The following CD200R1 variants were observed in gnomAD, a reference collection of about 807,000 sequenced individuals.
The protein encoded by CD200R1 is CD200 receptor 1, also known as cell surface glycoprotein CD200 receptor 1.
In CD200R1, 30 loss-of-function variants were observed where a neutral mutation model predicts 38.1. That is an observed-to-expected ratio of 0.79 (90% CI 0.59 to 1.07). The LOEUF (loss-of-function observed/expected upper bound fraction) is 1.07, where lower values mean the gene tolerates loss of function less well. Ranked by LOEUF, CD200R1 falls within the 50% of genes least tolerant of loss-of-function variation. The probability of loss-of-function intolerance (pLI) is 0.00; values close to 1 mark genes in which losing one functional copy is unlikely to be tolerated. For missense variants in CD200R1, 372 were observed against 415.4 expected, an observed-to-expected ratio of 0.90 and a Z score of 0.91; for synonymous variants, 128 against 152.1, an observed-to-expected ratio of 0.84 and a Z score of 1.16.
intron 1 of CD200R1, among the ~76,000 whole-genome samples, chr3:112,954,830 G>A (rs780164235): frequency 2.6e-5 from 4 of 152,080 alleles, no homozygotes; most frequent in South Asian, 4.2e-4. Context: ...TAAGTATTTC[G>A]CTGAGTTCTG....
intron 2 of CD200R1, among the ~76,000 whole-genome samples, chr3:112,937,314 C>T (rs971450987): frequency 7.9e-5 from 12 of 152,138 alleles, no homozygotes; most frequent in African/African-American, 2.9e-4. Context: ...TCCCATGACA[C>T]ATGGAGATTA....
At chr3:112,971,460 A>G (rs1253853514) in intron 1 of CD200R1, among the ~76,000 whole-genome samples, 1 of 152,102 alleles carries the variant, frequency 6.6e-6, no homozygotes, top group Admixed American at 6.6e-5. Context: ...TGAATTTAAT[A>G]TCTTCCTCCA....
chr3:112,955,372 C>T (rs1294399673), intron 1 of CD200R1, among the ~76,000 whole-genome samples: 1 of 152,090 alleles, frequency 6.6e-6, no homozygotes, highest in Non-Finnish European at 1.5e-5. Context: ...TCTATCTCTG[C>T]CTTCAGATCT....
At position 112,929,526 on chromosome 3, in the gene CD200R1, T is replaced by C. The variant is rs200675154; in HGVS notation, c.203-19A>G. 3 of 1,578,320 alleles carry C rather than the reference T, an allele frequency of 1.9e-6. No homozygotes were observed. Among genetic ancestry groups the C allele is most frequent in the Admixed American group, 3.7e-5 (2 of 53,582 alleles). On this transcript the variant is annotated intron_variant, in intron 3 of 7. Transcript: ENST00000308611. The stretch of plus-strand genomic sequence containing the variant: ...GTGTTAACTGGACATGAAAAGAGAA[T>C]GATAAAAGAAAAGCTTGATAAAGAA...
At chr3:112,937,561 C>T (rs35611650) in intron 2 of CD200R1, among the ~76,000 whole-genome samples, 39,463 of 152,012 alleles carry the variant, frequency 0.26, 6,229 homozygotes, top group Non-Finnish European at 0.36. Context: ...TGTCTGTTCT[C>T]GTACAACTAC....
rs1053223066 is a variant in CD200R1, at chr3:112,921,257, A to G, written c.*2420T>C. 2.0e-5 allele frequency: 3 copies of G among 152,080 alleles called. No homozygotes were observed. The highest frequency in any genetic ancestry group is 4.4e-5 in the Non-Finnish European group (3 of 68,000). 9.4% of individuals were successfully genotyped at this position (152,080 alleles called of 1,614,324 possible). On this transcript the variant is annotated 3_prime_UTR_variant, in exon 8 of 8. Transcript: ENST00000308611. ...ATCTTGATTATGCTGATGGTTTCAC[A>G]GATGTAAAACTATGTCAACATTTAC...
chr3:112,945,862 T>A (rs1344058352), intron 2 of CD200R1, among the ~76,000 whole-genome samples: 3 of 152,046 alleles, frequency 2.0e-5, no homozygotes, highest in African/African-American at 7.2e-5. Context: ...ACCCCGTCTC[T>A]ACTAAAAATA....
In CD200R1 at chr3:112,974,813, A is replaced by T; in HGVS notation, c.45T>A (p.Ile15=). ...TACCGGCCACTAAGAAGATAGTCAAAATCAACAGTAGCCCTAGGTTAGCAG... is the reference window on the plus strand; with the variant it reads ...TACCGGCCACTAAGAAGATAGTCAATATCAACAGTAGCCCTAGGTTAGCAG... ...WRTANLGLLL[I]LTIFLVAEAE... Residue 15 remains isoleucine (I), a synonymous_variant, in exon 1 of 8, where the codon ATT becomes ATA. Transcript: ENST00000308611. The T allele has an allele frequency of 6.2e-7, 1 of 1,613,232 alleles. No homozygotes were observed. The highest frequency in any genetic ancestry group is 1.1e-5 in the South Asian group (1 of 91,062).
At position 112,922,942 on chromosome 3, in the gene CD200R1, T is replaced by G. The variant is rs1010340158; in HGVS notation, c.*735A>C. The G allele has an allele frequency of 6.6e-6, 1 of 151,882 alleles. No homozygotes were observed. 9.4% of individuals were successfully genotyped at this position (151,882 alleles called of 1,614,324 possible). On this transcript the variant is annotated 3_prime_UTR_variant, in exon 8 of 8. Coordinates refer to ENST00000308611, the MANE Select transcript of CD200R1 (RefSeq NM_138806.4). ...CTGACAATTCCACTCAAGAAAGTTA[T>G]CCTACAGATATACTCAAAAACAAAG...
At chr3:112,936,140 T>C (rs1359603603) in intron 2 of CD200R1, among the ~76,000 whole-genome samples, 1 of 152,232 alleles carries the variant, frequency 6.6e-6, no homozygotes, top group African/African-American at 2.4e-5. Context: ...TGAACTCATC[T>C]ATACATGGCT....
Position 112,932,373 on chromosome 3 carries a change from G to A in CD200R1, c.137-1202C>T, listed in dbSNP as rs76979724. On this transcript the variant is annotated intron_variant, in intron 2 of 7. Transcript: ENST00000308611. ...GAGAAACAGTCTGGCAGTCCTACCC[G>A]GGACAAACCTGCCATTGAGCTGGCC... 7.5e-4 allele frequency among the ~76,000 whole-genome samples: 114 copies of A among 152,164 alleles called. 5 individuals are homozygous for A. The East Asian group carries it at 0.02, about 27-fold the overall frequency.
chr3:112,933,753 T>C (rs184905350), intron 2 of CD200R1, among the ~76,000 whole-genome samples: 1 of 151,962 alleles, frequency 6.6e-6, no homozygotes, highest in African/African-American at 2.4e-5. Flanking sequence ...AGGAAAACAA[T>C]TTGTGATTTA....
At chr3:112,926,496 T>A (rs750622598) in intron 5 of CD200R1, among the ~76,000 whole-genome samples, 1 of 152,216 alleles carries the variant, frequency 6.6e-6, no homozygotes, top group Non-Finnish European at 1.5e-5. Context: ...AGATCCACCG[T>A]GCAAGGAAGA....
intron 1 of CD200R1, among the ~76,000 whole-genome samples, chr3:112,948,163 C>T (rs1331465138): frequency 1.3e-5 from 2 of 152,096 alleles, no homozygotes; most frequent in African/African-American, 2.4e-5. Context: ...TGCCCATCAC[C>T]CCCCTCTTGC....
chr3:112,924,221 C>T (rs185023952), intron 7 of CD200R1, among the ~76,000 whole-genome samples: 2 of 152,024 alleles, frequency 1.3e-5, no homozygotes, highest in South Asian at 4.1e-4. Flanking sequence ...AACACCAATT[C>T]ATTTCCTCAA....
chr3:112,929,250 T>C lies in CD200R1; in HGVS notation c.460A>G (p.Arg154Gly), dbSNP rs757927981. ...CCATCAGGTGTTACCATTATGCATC[T>C]GTAATACCCGTCATGAGTGATGGCC... Reference protein sequence around the residue: ...TVAITHDGYYRCIMVTPDGNF... With the variant: ...TVAITHDGYYGCIMVTPDGNF... Residue 154 changes from arginine to glycine, a missense_variant, in exon 4 of 8, where the codon AGA becomes GGA. Arg to Gly is a moderately radical substitution (Grantham distance 125, BLOSUM62 -2). Coordinates refer to ENST00000308611, the MANE Select transcript of CD200R1 (RefSeq NM_138806.4). 5.0e-6 allele frequency: 8 copies of C among 1,614,212 alleles called. No individual in the cohort carries two copies. Among genetic ancestry groups the C allele is most frequent in the Non-Finnish European group, 6.8e-6 (8 of 1,180,020 alleles).
intron 2 of CD200R1, among the ~76,000 whole-genome samples, chr3:112,938,806 C>T (rs1208193379): frequency 6.6e-6 from 1 of 151,920 alleles, no homozygotes; most frequent in African/African-American, 2.4e-5. Context: ...GATTGTGATA[C>T]AAAAACCAGA....
Position 112,921,940 on chromosome 3 carries a change from A to T in CD200R1, c.*1737T>A, listed in dbSNP as rs1448009104. ...TGAACCTAACTATGAGCCTCAGCTC[A>T]ACCAGGGTTGGATGAAGAATTAATA... On this transcript the variant is annotated 3_prime_UTR_variant, in exon 8 of 8. Transcript: ENST00000308611. The T allele has an allele frequency of 6.6e-6, 1 of 152,100 alleles. No individual in the cohort carries two copies. The highest frequency in any genetic ancestry group is 1.5e-5 in the Non-Finnish European group (1 of 67,974). 9.4% of individuals were successfully genotyped at this position (152,100 alleles called of 1,614,324 possible). A position where few individuals can be genotyped will look rare whatever the true frequency, so the allele number is the denominator to read the frequency against.
At position 112,928,918 on chromosome 3, in the gene CD200R1, C is replaced by A. The variant is rs201917777; in HGVS notation, c.667G>T (p.Val223Phe). 1.5e-5 allele frequency: 24 copies of A among 1,613,932 alleles called. 1 individual carries two copies. In the East Asian group the frequency reaches 5.3e-4, roughly 36 times the overall value. The change falls in exon 5 of 8, where the codon GTT becomes TTT. Residue 223 changes from valine to phenylalanine, a missense_variant. Coordinates refer to ENST00000308611, the MANE Select transcript of CD200R1 (RefSeq NM_138806.4). ...QEYWSNGTVT[V>F]KSTCHWEVHN... Reference sequence around the variant, plus strand: ...ACCTCCCAGTGGCATGTACTCTTAACAGTCACTGTGCCATTGCTCCAGTAT... The same window carrying A: ...ACCTCCCAGTGGCATGTACTCTTAAAAGTCACTGTGCCATTGCTCCAGTAT...
Sources: allele counts gnomAD v4.1 joint callset (sites outside exome capture counted in the v4.1 genomes callset), GRCh38; gene constraint gnomAD v4.1.1; transcripts MANE v1.5; gene names NCBI Gene and HGNC (gene_info 2026-07-23, HGNC 2026-07-21).